ITGB1BP1: variants seen among roughly 807,000 people sequenced by gnomAD.
ITGB1BP1 encodes the protein integrin beta-1-binding protein 1.
ITGB1BP1 carries 20 observed loss-of-function variants against 28.0 expected under a neutral mutation model. The observed-to-expected ratio is 0.71, with a 90% CI of 0.50 to 1.04. The LOEUF (loss-of-function observed/expected upper bound fraction) is 1.04, where lower values mean the gene tolerates loss of function less well. Ranked by LOEUF, ITGB1BP1 falls within the 50% of genes least tolerant of loss-of-function variation. The pLI is 0.00. For missense variants in ITGB1BP1, 228 were observed against 242.5 expected (o/e 0.94, Z 0.40); for synonymous variants, 103 against 89.5 (o/e 1.15, Z -0.85).
intron 1 of ITGB1BP1, among the ~76,000 whole-genome samples, chr2:9,421,431 T>G (rs1264622315): frequency 6.6e-6 from 1 of 152,214 alleles, no homozygotes; most frequent in Non-Finnish European, 1.5e-5. Flanking sequence ...CTCACGCCTG[T>G]AATCCCAGCA....
Position 9,407,462 on chromosome 2 carries a change from T to C in ITGB1BP1, c.518A>G (p.Gln173Arg), listed in dbSNP as rs562771759. ...ACGAAGTCTCACCAGGCTGTTGCAC[T>C]GATAAACCCACAGGCTGTATTCCTC... ...SNEEYSLWVY[Q>R]CNSLEQAQAI... is the part of the protein sequence containing the mutation. Residue 173 changes from glutamine to arginine, a missense_variant, in exon 6 of 7, where the codon CAG becomes CGG. By Grantham distance (43) the Gln-to-Arg change is conservative. This residue lies in a region of ITGB1BP1 where 192 missense variants were observed against 181.6 expected (regional missense o/e 1.06). Transcript: ENST00000355346. 2.5e-6 allele frequency: 4 copies of C among 1,614,208 alleles called. No homozygotes were observed. The highest frequency in any genetic ancestry group is 3.3e-5 in the Admixed American group (2 of 60,016).
intron 1 of ITGB1BP1, among the ~76,000 whole-genome samples, chr2:9,422,101 C>G (rs1038796712): frequency 6.6e-6 from 1 of 152,206 alleles, no homozygotes; most frequent in Non-Finnish European, 1.5e-5. Context: ...AAGGAATTCA[C>G]AAACCCAAGG....
Position 9,421,099 on chromosome 2 carries a change from T to A in ITGB1BP1, c.-36+2274A>T, listed in dbSNP as rs574061766. On this transcript the variant is annotated intron_variant, in intron 1 of 6. Transcript: ENST00000355346. The stretch of plus-strand genomic sequence containing the variant: ...TTAAAATGTTGATGTGTAACATATT[T>A]AAACATCAGATACTTAAGTATATAT... 2.0e-5 allele frequency among the ~76,000 whole-genome samples: 3 copies of A among 152,324 alleles called. 1 individual carries two copies. In the South Asian group the frequency reaches 6.2e-4, roughly 32 times the overall value.
chr2:9,415,221 A>G lies in ITGB1BP1; in HGVS notation c.73-965T>C, dbSNP rs1017660719. Among the ~76,000 whole-genome samples the G allele has an allele frequency of 5.3e-5, 8 of 152,306 alleles. No homozygotes were observed. Among genetic ancestry groups the G allele is most frequent in the Admixed American group, 2.0e-4 (3 of 15,296 alleles). The stretch of plus-strand genomic sequence containing the variant: ...TGGTAAAACCCCGTCTCTACCAAAA[A>G]TACAAAAATTAGCTGGGCATGGTGG... On this transcript the variant is annotated intron_variant, in intron 2 of 6. Transcript: ENST00000355346. This position sits in a 1 kb window ranked among gnomAD's most constrained non-coding sequence, Gnocchi z 4.1.
Position 9,404,364 on chromosome 2 carries a change from T to C in ITGB1BP1, c.*2470A>G, listed in dbSNP as rs913829470. 4 of 152,236 alleles carry C rather than the reference T, an allele frequency of 2.6e-5. No homozygotes were observed. Among genetic ancestry groups the C allele is most frequent in the Non-Finnish European group, 5.9e-5 (4 of 68,048 alleles). 9.4% of individuals were successfully genotyped at this position (152,236 alleles called of 1,614,324 possible). On this transcript the variant is annotated 3_prime_UTR_variant, in exon 7 of 7. Coordinates refer to ENST00000355346, the MANE Select transcript of ITGB1BP1 (RefSeq NM_004763.5). ...TATAATCAAGAACATATCAGAAATATATAGGTCCCAGGTAATACTCCCAAA... is the reference window on the plus strand; with the variant it reads ...TATAATCAAGAACATATCAGAAATACATAGGTCCCAGGTAATACTCCCAAA...
chr2:9,407,432 A>C lies in ITGB1BP1; in HGVS notation c.531+17T>G. ...GACTTGATGGGCAAGCAGCTAACCA[A>C]AGTAACGAAGTCTCACCAGGCTGTT... On this transcript the variant is annotated intron_variant, in intron 6 of 6. Transcript: ENST00000355346. 1 of 1,614,080 alleles carries C rather than the reference A, an allele frequency of 6.2e-7. No homozygotes were observed. The highest frequency in any genetic ancestry group is 1.3e-5 in the African/African-American group (1 of 75,042).
chr2:9,420,538 G>A (rs1051506592), intron 1 of ITGB1BP1, among the ~76,000 whole-genome samples: 1 of 152,226 alleles, frequency 6.6e-6, no homozygotes, highest in Non-Finnish European at 1.5e-5. Context: ...ATGGAAGGAA[G>A]GGGTGGGTAT....
In ITGB1BP1 at chr2:9,404,574, G is replaced by C. The variant is rs1677037032; in HGVS notation, c.*2260C>G. ...GGAATATTGGAAATTTTGGCACTCTGAGAATAAATAGGCATATGATACCCA... is the reference window on the plus strand; with the variant it reads ...GGAATATTGGAAATTTTGGCACTCTCAGAATAAATAGGCATATGATACCCA... On this transcript the variant is annotated 3_prime_UTR_variant, in exon 7 of 7. Coordinates refer to ENST00000355346, the MANE Select transcript of ITGB1BP1 (RefSeq NM_004763.5). 1.3e-5 allele frequency: 2 copies of C among 152,464 alleles called. No homozygotes were observed. The highest frequency in any genetic ancestry group is 4.1e-4 in the South Asian group (2 of 4,822). 9.4% of individuals were successfully genotyped at this position (152,464 alleles called of 1,614,324 possible). A position where few individuals can be genotyped will look rare whatever the true frequency, so the allele number is the denominator to read the frequency against.
upstream of ITGB1BP1, chr2:9,423,534 G>T: frequency 8.5e-7 from 1 of 1,171,348 alleles, no homozygotes; most frequent in Non-Finnish European, 1.1e-6. Flanking sequence ...ACTATGCGCA[G>T]GCGCAGTCCT....
intron 4 of ITGB1BP1, among the ~76,000 whole-genome samples, chr2:9,411,790 A>C (rs62118844): frequency 0.24 from 35,701 of 151,086 alleles, 4,841 homozygotes; most frequent in African/African-American, 0.37. Context: ...CGCCTATAAT[A>C]CCAGCACTTT....
chr2:9,410,530 C>G (rs1332683561), intron 4 of ITGB1BP1, among the ~76,000 whole-genome samples: 1 of 152,174 alleles, frequency 6.6e-6, no homozygotes, highest in East Asian at 1.9e-4. Context: ...CCTCTGCCTC[C>G]TGAGTTCAAG....
chr2:9,411,055 T>G lies in ITGB1BP1; in HGVS notation c.288+1214A>C, dbSNP rs541586608. On this transcript the variant is annotated intron_variant, in intron 4 of 6. Coordinates refer to ENST00000355346, the MANE Select transcript of ITGB1BP1 (RefSeq NM_004763.5). The stretch of plus-strand genomic sequence containing the variant: ...ATTTACTTTCTTTTTTTTTCTCTCA[T>G]TACCGAATTCACTCTTTTGGCTCAT... 2.0e-5 allele frequency among the ~76,000 whole-genome samples: 3 copies of G among 152,338 alleles called. No individual in the cohort carries two copies. In the East Asian group the frequency reaches 5.8e-4, roughly 29 times the overall value.
Position 9,407,413 on chromosome 2 carries a change from A to G in ITGB1BP1, c.531+36T>C, listed in dbSNP as rs1463029550. On this transcript the variant is annotated intron_variant, in intron 6 of 6. Transcript: ENST00000355346. ...AGTAGTCCCTGGGTGTTGCGACTTG[A>G]TGGGCAAGCAGCTAACCAAAGTAAC... The G allele has an allele frequency of 2.5e-6, 4 of 1,612,938 alleles. No individual in the cohort carries two copies. The African/African-American group carries it at 4.0e-5, about 16-fold the overall frequency.
In ITGB1BP1 at chr2:9,407,564, A is replaced by G. The variant is rs1677682069; in HGVS notation, c.416T>C (p.Ile139Thr). Reference sequence around the variant, plus strand: ...ACCGTCATCGTAACACACCATCCGGATTATTAAGTAGAGAGCATGCCTGTG... The same window carrying G: ...ACCGTCATCGTAACACACCATCCGGGTTATTAAGTAGAGAGCATGCCTGTG... ...VLHRHALYLI[I>T]RMVCYDDGLG... is the part of the protein sequence containing the mutation. The change falls in exon 6 of 7, where the codon ATC (isoleucine) becomes ACC (threonine). Residue 139 changes from isoleucine to threonine, a missense_variant. Around this residue, in one of 2 missense-constraint regions of ITGB1BP1, gnomAD observed 192 missense variants for 181.6 expected, o/e 1.06. Transcript: ENST00000355346. 1 of 1,614,008 alleles carries G rather than the reference A, an allele frequency of 6.2e-7. No individual in the cohort carries two copies. Among genetic ancestry groups the G allele is most frequent in the Admixed American group, 1.7e-5 (1 of 59,974 alleles).
rs2148852479 is a variant in ITGB1BP1, at chr2:9,405,628, T to A, written c.*1206A>T. 6.5e-6 allele frequency: 1 copy of A among 152,760 alleles called. No individual in the cohort carries two copies. Among genetic ancestry groups the A allele is most frequent in the South Asian group, 2.1e-4 (1 of 4,830 alleles). The allele number at this position is 152,760 out of a possible 1,614,324, so 9.5% of individuals were successfully genotyped here. On this transcript the variant is annotated 3_prime_UTR_variant, in exon 7 of 7. Coordinates refer to ENST00000355346, the MANE Select transcript of ITGB1BP1 (RefSeq NM_004763.5). ...AGAGCATGTTTAATAAGTTTACTCT[T>A]CTTGTTAACTAGTCATTTGACTGGA...
chr2:9,409,804 T>A (rs1388025536), intron 4 of ITGB1BP1, among the ~76,000 whole-genome samples: 1 of 151,676 alleles, frequency 6.6e-6, no homozygotes, highest in East Asian at 1.9e-4. Context: ...AACTAAATGC[T>A]GGAAAGTAAT....
chr2:9,416,725 C>T (rs1679192844), intron 2 of ITGB1BP1, among the ~76,000 whole-genome samples: 2 of 152,238 alleles, frequency 1.3e-5, no homozygotes, highest in African/African-American at 4.8e-5. Context: ...TCCCCAGTCT[C>T]TGAATCCCTC....
At chr2:9,419,563 T>C (rs1481061313) in intron 1 of ITGB1BP1, among the ~76,000 whole-genome samples, 1 of 152,258 alleles carries the variant, frequency 6.6e-6, no homozygotes, top group African/African-American at 2.4e-5. Context: ...GGAGATGACC[T>C]TGCCTCCCAG....
intron 4 of ITGB1BP1, among the ~76,000 whole-genome samples, chr2:9,410,106 A>C (rs58119911): frequency 6.6e-6 from 1 of 152,208 alleles, no homozygotes; most frequent in African/African-American, 2.4e-5. Context: ...CGGCCTCCCA[A>C]AGTGCTGGAA....
Sources: allele counts gnomAD v4.1 joint callset (sites outside exome capture counted in the v4.1 genomes callset), GRCh38; gene constraint gnomAD v4.1.1; regional missense constraint gnomAD v4.1.1; non-coding constraint Gnocchi (gnomAD v3.1); transcripts MANE v1.5; gene names NCBI Gene and HGNC (gene_info 2026-07-23, HGNC 2026-07-21).